NRG1: variants seen among roughly 807,000 people sequenced by gnomAD.
The protein encoded by NRG1 is pro-neuregulin-1, membrane-bound isoform.
A neutral mutation model predicts 63.8 loss-of-function variants in NRG1; 18 were observed. The ratio of observed to expected loss-of-function variants is 0.28; its 90% confidence interval spans 0.19 to 0.42. The LOEUF is 0.42. Among genes scored for constraint, NRG1 ranks in the 10% least tolerant of loss-of-function variants. The probability of loss-of-function intolerance (pLI) is 1.00; values close to 1 mark genes in which losing one functional copy is unlikely to be tolerated. For synonymous variants in NRG1, 302 were observed against 301.3 expected (o/e 1.00, Z -0.02); for missense variants, 762 against 814.7 (o/e 0.94, Z 0.79).
In NRG1 at chr8:32,467,183, A is replaced by G. The variant is rs1823176779; in HGVS notation, c.38-128645A>G. 2.0e-5 allele frequency among the ~76,000 whole-genome samples: 3 copies of G among 152,236 alleles called. No homozygotes were observed. The South Asian group carries it at 6.2e-4, about 32-fold the overall frequency. ...ACACAAAGCAACATAGGAGAAAAGT[A>G]CTAGTTACATGCCCATGGCAAGAAA... On this transcript the variant is annotated intron_variant, in intron 1 of 10. Coordinates refer to the NRG1 transcript ENST00000519301.
intron 1 of NRG1, among the ~76,000 whole-genome samples, chr8:32,460,774 G>A (rs924194948): frequency 6.6e-6 from 1 of 152,086 alleles, no homozygotes. Flanking sequence ...TTCTTCATCC[G>A]AATACAAAAT....
At chr8:31,766,273 TA>T (rs927685649) in intron 1 of NRG1, among the ~76,000 whole-genome samples, 1 of 152,152 alleles carries the variant, frequency 6.6e-6, no homozygotes, top group Non-Finnish European at 1.5e-5. Context: ...CCTACCACGT[TA>T]AAAAAGATCC....
chr8:32,247,816 T>C (rs1848730534), intron 1 of NRG1, among the ~76,000 whole-genome samples: 1 of 152,078 alleles, frequency 6.6e-6, no homozygotes, highest in South Asian at 2.1e-4. Context: ...TTTTAAGACA[T>C]GGAATCTTTG....
intron 1 of NRG1, among the ~76,000 whole-genome samples, chr8:31,833,093 G>A (rs756248222): frequency 1.3e-5 from 2 of 151,988 alleles, no homozygotes; most frequent in Non-Finnish European, 2.9e-5. Context: ...GCCCAGTGAC[G>A]GATAAGTGTG....
intron 1 of NRG1, chr8:31,639,921 G>T: frequency 9.0e-7 from 1 of 1,111,318 alleles, no homozygotes; most frequent in Non-Finnish European, 1.1e-6. Flanking sequence ...GGAAAAGGGA[G>T]GCAGCGCGAG....
At chr8:32,595,742 G>C in intron 1 of NRG1, 86 bp from the exon 2 acceptor site, 1 of 1,257,234 alleles carries the variant, frequency 8.0e-7, no homozygotes, top group South Asian at 1.8e-5. Context: ...ATGGTGCCTT[G>C]ATCAGGCTAA....
intron 1 of NRG1, among the ~76,000 whole-genome samples, chr8:31,923,938 C>G (rs2129619288): frequency 6.6e-6 from 1 of 152,162 alleles, no homozygotes; most frequent in Non-Finnish European, 1.5e-5. Flanking sequence ...CATGTGCACA[C>G]ATTATTTAGC....
chr8:32,451,471 A>T (rs1365014325), intron 1 of NRG1, among the ~76,000 whole-genome samples: 1 of 151,966 alleles, frequency 6.6e-6, no homozygotes, highest in Non-Finnish European at 1.5e-5. Flanking sequence ...TTCCCCGGGG[A>T]GGGGGATTCT....
At chr8:32,293,229 AGAG>A (rs1268044530) in intron 1 of NRG1, among the ~76,000 whole-genome samples, 1 of 152,256 alleles carries the variant, frequency 6.6e-6, no homozygotes. Flanking sequence ...AAGGATCCCC[AGAG>A]GAGGAGCTTA....
chr8:32,528,523 C>A (rs866361506), intron 1 of NRG1, among the ~76,000 whole-genome samples: 4 of 152,128 alleles, frequency 2.6e-5, no homozygotes, highest in South Asian at 2.1e-4. Flanking sequence ...TATTTTTAAG[C>A]CTGAATTAGT....
exon 6 of NRG1, chr8:32,728,017 G>C (rs1338840122): frequency 6.2e-7 from 1 of 1,614,114 alleles, no homozygotes. Context: ...AACTTTCTGT[G>C]TGAATGGAGG....
chr8:32,202,662 C>T (rs530159329), intron 1 of NRG1, among the ~76,000 whole-genome samples: 30 of 151,912 alleles, frequency 2.0e-4, no homozygotes, highest in Non-Finnish European at 3.7e-4. Flanking sequence ...GGAAGGGGAA[C>T]GGGAGAGGGG....
At chr8:32,494,950 G>C (rs1480915565) in intron 1 of NRG1, among the ~76,000 whole-genome samples, 1 of 152,166 alleles carries the variant, frequency 6.6e-6, no homozygotes, top group Admixed American at 6.5e-5. Flanking sequence ...TTGTAGTCAT[G>C]CTAAATATTC....
chr8:31,944,998 T>A (rs1802325085), intron 1 of NRG1, among the ~76,000 whole-genome samples: 1 of 152,238 alleles, frequency 6.6e-6, no homozygotes, highest in Admixed American at 6.5e-5. Context: ...TGAATTCTTT[T>A]GAAATAGTGT....
At chr8:32,622,887 C>T (rs1012252177) in intron 5 of NRG1, among the ~76,000 whole-genome samples, 7 of 152,188 alleles carry the variant, frequency 4.6e-5, no homozygotes, top group Non-Finnish European at 1.0e-4. Flanking sequence ...AGAGTCTCTA[C>T]ATCTTACTTC....
At chr8:32,300,445 C>T (rs532128983) in intron 1 of NRG1, among the ~76,000 whole-genome samples, 1 of 152,242 alleles carries the variant, frequency 6.6e-6, no homozygotes, top group Admixed American at 6.5e-5. Flanking sequence ...AAAATACCAC[C>T]AGAATCTTAG....
At chr8:31,709,150 T>A (rs1324598740) in intron 1 of NRG1, among the ~76,000 whole-genome samples, 2 of 152,070 alleles carry the variant, frequency 1.3e-5, no homozygotes, top group Non-Finnish European at 2.9e-5. Context: ...GTAGTCCTTT[T>A]TTTTTTAGGT....
At chr8:32,362,556 A>C (rs1429481675) in intron 1 of NRG1, among the ~76,000 whole-genome samples, 1 of 152,182 alleles carries the variant, frequency 6.6e-6, no homozygotes, top group Non-Finnish European at 1.5e-5. Flanking sequence ...ATGATGCTGC[A>C]CTATGCCTGT....
chr8:32,278,761 A>G lies in NRG1; in HGVS notation c.38-317067A>G, dbSNP rs558823014. ...CTGGGTAGACTCTGCCCAGGCAACAATTGCCCTCTGTGGTTTGCCAAGACC... is the reference window on the plus strand; with the variant it reads ...CTGGGTAGACTCTGCCCAGGCAACAGTTGCCCTCTGTGGTTTGCCAAGACC... On this transcript the variant is annotated intron_variant, in intron 1 of 10. Transcript: ENST00000519301. Among the ~76,000 whole-genome samples, 11 of 152,164 alleles carry G rather than the reference A, an allele frequency of 7.2e-5. No homozygotes were observed. In the East Asian group the frequency reaches 1.7e-3, roughly 24 times the overall value.
Sources: gnomAD v4.1 joint callset for allele counts (sites outside exome capture counted in the v4.1 genomes callset) on GRCh38, gnomAD v4.1.1 for gene constraint, MANE v1.5 for transcripts, NCBI Gene and HGNC (gene_info 2026-07-23, HGNC 2026-07-21) for gene names.